MN1: variants seen among roughly 807,000 people sequenced by gnomAD.
MN1 encodes transcriptional activator MN1.
In MN1, 19 loss-of-function variants were observed where a neutral mutation model predicts 86.9. The observed-to-expected ratio is 0.22, with a 90% CI of 0.15 to 0.32. The LOEUF (loss-of-function observed/expected upper bound fraction) is 0.32. Among genes scored for constraint, MN1 ranks in the 10% least tolerant of loss-of-function variants. The pLI is 1.00. For synonymous variants in MN1, 928 were observed against 849.6 expected (o/e 1.09, Z -1.60); for missense variants, 1,841 against 1,862.0 (o/e 0.99, Z 0.21).
chr22:27,750,020 G>A lies in MN1; in HGVS notation c.*895C>T. 1 of 232,270 alleles carries A rather than the reference G, an allele frequency of 4.3e-6. No homozygotes were observed. The highest frequency in any genetic ancestry group is 8.5e-6 in the Non-Finnish European group (1 of 117,374). 14.4% of individuals were successfully genotyped at this position (232,270 alleles called of 1,614,324 possible). Reference sequence around the variant, plus strand: ...AGGCTGGGAGCACACCATCCCCCATGCAGACCAAAGGCTGCTTAGCACAGC... The same window carrying A: ...AGGCTGGGAGCACACCATCCCCCATACAGACCAAAGGCTGCTTAGCACAGC... On this transcript the variant is annotated 3_prime_UTR_variant, in exon 2 of 2. Transcript: ENST00000302326.
chr22:27,795,804 T>C (rs1380567990), intron 1 of MN1, among the ~76,000 whole-genome samples: 1 of 152,094 alleles, frequency 6.6e-6, no homozygotes, highest in East Asian at 1.9e-4. Flanking sequence ...GGCAACCCAG[T>C]CATCCTTAGG....
At chr22:27,757,868 A>C (rs9613525) in intron 1 of MN1, among the ~76,000 whole-genome samples, 109,808 of 151,798 alleles carry the variant, frequency 0.72, 40,347 homozygotes, top group East Asian at 0.89. Flanking sequence ...GCATCCAAGC[A>C]AGCCCCGGGC....
chr22:27,796,716 T>C (rs1933301402), intron 1 of MN1, 47 bp downstream of exon 1: 1 of 1,528,160 alleles, frequency 6.5e-7, no homozygotes, highest in Non-Finnish European at 8.8e-7. Context: ...GCCCTGGGGA[T>C]GGGGCGGGTC....
chr22:27,779,371 C>T (rs753341022), intron 1 of MN1, among the ~76,000 whole-genome samples: 1 of 152,176 alleles, frequency 6.6e-6, no homozygotes, highest in Non-Finnish European at 1.5e-5. Context: ...CACATCCCGG[C>T]CCCCAGGCTA....
intron 1 of MN1, among the ~76,000 whole-genome samples, chr22:27,774,828 G>A (rs1270217673): frequency 2.6e-5 from 4 of 152,132 alleles, no homozygotes; most frequent in Admixed American, 2.6e-4. Context: ...GGGCAGCTCT[G>A]CCAGGTACCA....
In MN1 at chr22:27,799,436, G is replaced by T; in HGVS notation, c.1108C>A (p.Arg370=). ...QPPPPPGLLV[R]QNSCPPALPR... is the part of the protein sequence containing the mutation. ...AGCGCAGGCGGGCACGAATTTTGTC[G>T]GACTAGAAGCCCGGGTGGCGGCGGC... is the stretch of plus-strand genomic sequence containing the variant. Residue 370 remains arginine (R), a synonymous_variant, in exon 1 of 2, where the codon CGA becomes AGA. Transcript: ENST00000302326. 6.8e-7 allele frequency: 1 copy of T among 1,471,378 alleles called. No homozygotes were observed. The highest frequency in any genetic ancestry group is 9.0e-7 in the Non-Finnish European group (1 of 1,114,860). The allele number at this position is 1,471,378 out of a possible 1,614,324, so 91.1% of individuals were successfully genotyped here. A position where few individuals can be genotyped will look rare whatever the true frequency, so the allele number is the denominator to read the frequency against.
chr22:27,782,600 G>A (rs1933068791), intron 1 of MN1, among the ~76,000 whole-genome samples: 1 of 152,188 alleles, frequency 6.6e-6, no homozygotes, highest in Non-Finnish European at 1.5e-5. Context: ...CTTTCTCTGT[G>A]TTAAGCAGGC....
At chr22:27,754,108 T>C (rs1439493754) in intron 1 of MN1, among the ~76,000 whole-genome samples, 1 of 152,162 alleles carries the variant, frequency 6.6e-6, no homozygotes, top group Non-Finnish European at 1.5e-5. Flanking sequence ...AACTCTTTGC[T>C]CTGGGGCTGC....
Position 27,749,556 on chromosome 22 carries a change from A to G in MN1, c.*1359T>C. On this transcript the variant is annotated 3_prime_UTR_variant, in exon 2 of 2. Coordinates refer to ENST00000302326, the MANE Select transcript of MN1 (RefSeq NM_002430.3). Reference sequence around the variant, plus strand: ...TGCCTGCCCCTGCCAACCACCACTCATCTCTGCTCAGAGCAGTTATTCCTT... The same window carrying G: ...TGCCTGCCCCTGCCAACCACCACTCGTCTCTGCTCAGAGCAGTTATTCCTT... 1 of 232,086 alleles carries G rather than the reference A, an allele frequency of 4.3e-6. No homozygotes were observed. The allele number at this position is 232,086 out of a possible 1,614,324, so 14.4% of individuals were successfully genotyped here.
intron 1 of MN1, among the ~76,000 whole-genome samples, chr22:27,771,940 C>T (rs988442635): frequency 2.4e-4 from 37 of 152,272 alleles, no homozygotes; most frequent in African/African-American, 8.4e-4. Context: ...TGGGTTCCAC[C>T]GCCGTATATC....
intron 1 of MN1, among the ~76,000 whole-genome samples, chr22:27,765,939 T>C (rs1300799718): frequency 1.3e-5 from 2 of 152,140 alleles, no homozygotes; most frequent in East Asian, 3.9e-4. Flanking sequence ...GGGGTGCCTG[T>C]GCCCGGCACA....
Position 27,797,245 on chromosome 22 carries a change from G to A in MN1, c.3299C>T (p.Pro1100Leu), listed in dbSNP as rs779556948. Residue 1100 changes from proline (P) to leucine (L), a missense_variant, in exon 1 of 2, where the codon CCG becomes CTG. Coordinates refer to ENST00000302326, the MANE Select transcript of MN1 (RefSeq NM_002430.3). Reference protein sequence around the residue: ...GAGEHGPKAPPPALGLGIMSN... With the variant: ...GAGEHGPKAPLPALGLGIMSN... ...CATGATGCCCAGGCCGAGGGCGGGC[G>A]GGGGCGCCTTCGGTCCGTGTTCCCC... is the stretch of plus-strand genomic sequence containing the variant. 1.3e-6 allele frequency: 2 copies of A among 1,574,140 alleles called. No individual in the cohort carries two copies. Among genetic ancestry groups the A allele is most frequent in the African/African-American group, 1.3e-5 (1 of 74,526 alleles).
At chr22:27,779,029 T>C (rs1225552647) in intron 1 of MN1, among the ~76,000 whole-genome samples, 2 of 152,088 alleles carry the variant, frequency 1.3e-5, no homozygotes, top group Non-Finnish European at 2.9e-5. Flanking sequence ...GGGGTGAAGA[T>C]CCCTGACCCC....
intron 1 of MN1, among the ~76,000 whole-genome samples, chr22:27,793,398 G>A (rs1933241811): frequency 6.6e-6 from 1 of 152,122 alleles, no homozygotes; most frequent in Non-Finnish European, 1.5e-5. Flanking sequence ...ACAAAGATAG[G>A]CGGATGATTT....
At chr22:27,755,144 T>G (rs1248786394) in intron 1 of MN1, among the ~76,000 whole-genome samples, 2 of 152,168 alleles carry the variant, frequency 1.3e-5, no homozygotes, top group East Asian at 1.9e-4. Context: ...CAGCCCAGGA[T>G]TCCCAGCTGC....
At chr22:27,793,994 G>GA (rs899852914) in intron 1 of MN1, among the ~76,000 whole-genome samples, 6 of 150,996 alleles carry the variant, frequency 4.0e-5, no homozygotes, top group African/African-American at 4.9e-5. Context: ...AAGGGGAGTA[G>GA]AAAAAAAAAT....
intron 1 of MN1, among the ~76,000 whole-genome samples, chr22:27,761,275 A>C (rs1932832811): frequency 6.9e-6 from 1 of 144,268 alleles, no homozygotes; most frequent in African/African-American, 2.6e-5. Context: ...TCTGTCCATT[A>C]TCCATCCTCT....
intron 1 of MN1, among the ~76,000 whole-genome samples, chr22:27,769,332 CAGTGAAATAA>C (rs1294412444): frequency 1.3e-5 from 2 of 151,954 alleles, no homozygotes; most frequent in Non-Finnish European, 2.9e-5. Context: ...AACTGAGGCC[CAGTGAAATAA>C]AGTAAATTGC....
intron 1 of MN1, among the ~76,000 whole-genome samples, chr22:27,772,959 G>C (rs532063105): frequency 9.9e-4 from 151 of 151,800 alleles, no homozygotes; most frequent in Non-Finnish European, 1.3e-3. Flanking sequence ...AGGCTGGGGT[G>C]GGGGAGAATC....
Sources: allele counts gnomAD v4.1 joint callset (sites outside exome capture counted in the v4.1 genomes callset), GRCh38; gene constraint gnomAD v4.1.1; transcripts MANE v1.5; gene names NCBI Gene and HGNC (gene_info 2026-07-23, HGNC 2026-07-21).